CNTNAP3B: variants seen among roughly 807,000 people sequenced by gnomAD.
CNTNAP3B encodes contactin associated protein family member 3B.
A neutral mutation model predicts 108.9 loss-of-function variants in CNTNAP3B; 25 were observed. That is an observed-to-expected ratio of 0.23 (90% CI 0.17 to 0.32). CNTNAP3B has a LOEUF of 0.32. Among genes scored for constraint, CNTNAP3B ranks in the 10% least tolerant of loss-of-function variants. The pLI is 1.00. For missense variants in CNTNAP3B, 252 were observed against 1,210.4 expected (o/e 0.21, Z 11.75); for synonymous variants, 103 against 473.4 (o/e 0.22, Z 10.16).
intron 15 of CNTNAP3B, among the ~76,000 whole-genome samples, chr9:41,927,707 A>G (rs1427164930): frequency 6.6e-6 from 1 of 152,320 alleles, no homozygotes; most frequent in East Asian, 1.9e-4. Flanking sequence ...ATAAACAGAA[A>G]AGATGATTTT....
intron 12 of CNTNAP3B, among the ~76,000 whole-genome samples, chr9:41,954,432 A>T: frequency 6.6e-6 from 1 of 152,280 alleles, no homozygotes. Context: ...AAAGAAGGAA[A>T]AGAAAACCAG....
chr9:42,090,717 G>T (rs1420064365), intron 2 of CNTNAP3B, among the ~76,000 whole-genome samples: 1 of 31,660 alleles, frequency 3.2e-5, no homozygotes, highest in Non-Finnish European at 7.1e-5. Context: ...TAACATATAT[G>T]TATATGTGTA....
At chr9:41,977,722 C>T (rs867778441) in intron 9 of CNTNAP3B, among the ~76,000 whole-genome samples, 193 of 129,352 alleles carry the variant, frequency 1.5e-3, no homozygotes, top group Middle Eastern at 0.011. Context: ...CAGGTTCATG[C>T]CATTCTCCTG....
chr9:42,010,470 C>T (rs1826113414), intron 4 of CNTNAP3B, among the ~76,000 whole-genome samples: 1 of 139,608 alleles, frequency 7.2e-6, no homozygotes, highest in African/African-American at 2.8e-5. Flanking sequence ...TTATAGGGTT[C>T]TGGCCTAAGA....
chr9:42,041,537 G>A (rs1474058101), intron 3 of CNTNAP3B, among the ~76,000 whole-genome samples: 1 of 143,174 alleles, frequency 7.0e-6, no homozygotes, highest in Non-Finnish European at 1.5e-5. Flanking sequence ...ACCACAATGA[G>A]ATACCATCTC....
intron 13 of CNTNAP3B, among the ~76,000 whole-genome samples, chr9:41,941,510 A>T (rs1824342347): frequency 4.0e-5 from 6 of 150,612 alleles, no homozygotes. Flanking sequence ...GAAACAATAC[A>T]CCCTTAAAAA....
chr9:42,100,183 C>T (rs1177738099), intron 2 of CNTNAP3B, among the ~76,000 whole-genome samples: 1 of 69,550 alleles, frequency 1.4e-5, no homozygotes. Context: ...CTTGCCCTTT[C>T]TCTCTTAATA....
chr9:42,115,423 G>A (rs1828292912), intron 1 of CNTNAP3B, among the ~76,000 whole-genome samples: 4 of 138,264 alleles, frequency 2.9e-5, no homozygotes. Flanking sequence ...CCTTAAGTGG[G>A]TCCCTGACCC....
chr9:41,961,117 T>A (rs1825076712), intron 11 of CNTNAP3B, among the ~76,000 whole-genome samples: 1 of 152,306 alleles, frequency 6.6e-6, no homozygotes, highest in South Asian at 2.1e-4. Context: ...TCAAAATACA[T>A]TCAAATGTTG....
At chr9:41,945,760 T>A (rs572790106) in intron 13 of CNTNAP3B, among the ~76,000 whole-genome samples, 5 of 152,406 alleles carry the variant, frequency 3.3e-5, no homozygotes, top group African/African-American at 1.2e-4. Context: ...AATTAAGGTA[T>A]GATAATAATA....
chr9:42,119,611 G>A (rs1828411086), intron 1 of CNTNAP3B, among the ~76,000 whole-genome samples: 1 of 131,674 alleles, frequency 7.6e-6, no homozygotes, highest in African/African-American at 3.1e-5. Context: ...AAAACAGCAT[G>A]GCACTGGTAC....
At position 41,984,008 on chromosome 9, in the gene CNTNAP3B, G is replaced by A. The variant is rs1163200621; in HGVS notation, c.1477+2160C>T. On this transcript the variant is annotated intron_variant, in intron 9 of 23. Coordinates refer to ENST00000377561, the MANE Select transcript of CNTNAP3B (RefSeq NM_001201380.3). Reference sequence around the variant, plus strand: ...AGAGCTTGCAGTGAGCCGAGATCGCGCCACTGCACTCCAGCCTGGGGGACA... The same window carrying A: ...AGAGCTTGCAGTGAGCCGAGATCGCACCACTGCACTCCAGCCTGGGGGACA... Among the ~76,000 whole-genome samples, 9 of 96,458 alleles carry A rather than the reference G, an allele frequency of 9.3e-5. 3 individuals are homozygous for A. The highest frequency in any genetic ancestry group is 1.3e-3 in the East Asian group (2 of 1,594). 63.3% of individuals were successfully genotyped at this position (96,458 alleles called of 152,430 possible).
chr9:42,085,322 C>T (rs1362511538), intron 2 of CNTNAP3B, among the ~76,000 whole-genome samples: 2 of 147,190 alleles, frequency 1.4e-5, no homozygotes, highest in Non-Finnish European at 3.0e-5. Flanking sequence ...TCCGTAACCC[C>T]CACCACAATC....
rs550691412 is a variant in CNTNAP3B at position 42,094,325 on chromosome 9, T to G, written c.196+10304A>C. The stretch of plus-strand genomic sequence containing the variant: ...ATAGCCAGAGAACTAAGAATGGTTT[T>G]ACATTTGTAAAGCGTTGCATTTAAA... On this transcript the variant is annotated intron_variant, in intron 2 of 23. Transcript: ENST00000377561. Among the ~76,000 whole-genome samples, 3 of 134,114 alleles carry G rather than the reference T, an allele frequency of 2.2e-5. 1 individual carries two copies. The highest frequency in any genetic ancestry group is 9.2e-5 in the African/African-American group (3 of 32,782). The allele number at this position is 134,114 out of a possible 152,430, so 88.0% of individuals were successfully genotyped here.
chr9:41,925,578 G>A (rs1300079304), intron 15 of CNTNAP3B, among the ~76,000 whole-genome samples: 1 of 151,136 alleles, frequency 6.6e-6, no homozygotes, highest in Non-Finnish European at 1.5e-5. Context: ...GCGCAACAGA[G>A]CGAGACTCCA....
At chr9:41,928,073 G>A (rs1182548645) in intron 15 of CNTNAP3B, among the ~76,000 whole-genome samples, 1 of 152,288 alleles carries the variant, frequency 6.6e-6, no homozygotes, top group Non-Finnish European at 1.5e-5. Context: ...TAACGCTAAG[G>A]CATATTCTGG....
Position 41,920,120 on chromosome 9 carries a change from AC to A in CNTNAP3B, c.2944del (p.Val982SerfsTer29), listed in dbSNP as rs1166011478. On this transcript the variant is annotated frameshift_variant, in exon 18 of 24. Coordinates refer to ENST00000377561, the MANE Select transcript of CNTNAP3B (RefSeq NM_001201380.3). LOFTEE classifies it high-confidence loss of function. Reference sequence around the variant, plus strand: ...GGCTGAGAAGGCACAGTCACAGGTGACCCCCCTGCGTTTCTCTCTGCATCTC... The same window carrying A: ...GGCTGAGAAGGCACAGTCACAGGTGACCCCCTGCGTTTCTCTCTGCATCTC... ...GGRCREKRRG[V>X]TCDCAFSAYD... 58 of 1,551,166 alleles carry A rather than the reference AC, an allele frequency of 3.7e-5. No homozygotes were observed. The highest frequency in any genetic ancestry group is 2.7e-4 in the Admixed American group (14 of 52,722).
At chr9:42,075,450 C>T (rs1357241078) in intron 3 of CNTNAP3B, among the ~76,000 whole-genome samples, 1 of 137,696 alleles carries the variant, frequency 7.3e-6, no homozygotes, top group East Asian at 2.2e-4. Context: ...CAACACGCTC[C>T]TACACGAGGT....
chr9:42,103,718 G>A (rs1587274438), intron 2 of CNTNAP3B, among the ~76,000 whole-genome samples: 1 of 82,582 alleles, frequency 1.2e-5, no homozygotes. Flanking sequence ...CTGGGTGACA[G>A]AGCGAGACTC....
Sources: gnomAD v4.1 joint callset for allele counts (sites outside exome capture counted in the v4.1 genomes callset) on GRCh38, gnomAD v4.1.1 for gene constraint, MANE v1.5 for transcripts, NCBI Gene and HGNC (gene_info 2026-07-23, HGNC 2026-07-21) for gene names.